Variants in ANKLE2 observed in about 807,000 individuals in gnomAD.
ANKLE2 encodes the protein ankyrin repeat and LEM domain-containing protein 2.
ANKLE2 carries 55 observed loss-of-function variants against 84.2 expected under a neutral mutation model. The ratio of observed to expected loss-of-function variants is 0.65; its 90% CI spans 0.53 to 0.82. The LOEUF is 0.82. Ranked by LOEUF, ANKLE2 falls within the 40% of genes least tolerant of loss-of-function variation. The probability of loss-of-function intolerance (pLI) is 0.00; values close to 1 mark genes in which losing one functional copy is unlikely to be tolerated. For synonymous variants in ANKLE2, 551 were observed against 486.1 expected (o/e 1.13, Z -1.76); for missense variants, 1,238 against 1,201.9 (o/e 1.03, Z -0.44).
intron 8 of ANKLE2, 35 bp from the exon 9 acceptor site, chr12:132,735,547 G>C (rs1168651248): frequency 1.3e-6 from 2 of 1,565,374 alleles, no homozygotes; most frequent in Non-Finnish European, 1.7e-6. Flanking sequence ...AGCCGTGTCA[G>C]GCACTGCGCC....
chr12:132,734,337 C>G lies in ANKLE2; in HGVS notation c.1891+48G>C, dbSNP rs760808170. On this transcript the variant is annotated intron_variant, in intron 10 of 12. Coordinates refer to ENST00000357997, the MANE Select transcript of ANKLE2 (RefSeq NM_015114.3). ...TGTGCGCATCCCGTCAGACCCCGGC[C>G]ATGGGGGGCCCCTCCCAGCTGCCAC... 3.1e-6 allele frequency: 5 copies of G among 1,597,920 alleles called. No individual in the cohort carries two copies. The Admixed American group carries it at 9.0e-5, about 29-fold the overall frequency.
At chr12:132,761,054 A>C (rs966601892) in intron 1 of ANKLE2, 2 of 152,220 alleles carry the variant, frequency 1.3e-5, no homozygotes, top group African/African-American at 4.8e-5. Flanking sequence ...AGTTACCTCA[A>C]ACTTAAAACG....
chr12:132,742,623 T>C (rs2044148201), intron 6 of ANKLE2: 1 of 152,290 alleles, frequency 6.6e-6, no homozygotes. Flanking sequence ...AGTATGTATG[T>C]GTGAGAAGCT....
At chr12:132,750,511 C>T in intron 3 of ANKLE2, 132 bp downstream of exon 3, 1 of 884,680 alleles carries the variant, frequency 1.1e-6, no homozygotes, top group South Asian at 1.8e-5. Context: ...GCATGGCCTC[C>T]TGGTCCACTG....
rs1380758795 is a variant in ANKLE2, at chr12:132,750,878, CAG to C, written c.641-31_641-30del. 7 of 1,602,996 alleles carry C rather than the reference CAG, an allele frequency of 4.4e-6. No individual in the cohort carries two copies. The Admixed American group carries it at 1.2e-4, about 27-fold the overall frequency. Reference sequence around the variant, plus strand: ...GGTAAGAAAAGTAACAAATGAAAATCAGAGAAGAGTGACTGGAGAGCTGTCAC... The same window carrying C: ...GGTAAGAAAAGTAACAAATGAAAATCAGAAGAGTGACTGGAGAGCTGTCAC... On this transcript the variant is annotated intron_variant, in intron 2 of 12. Coordinates refer to ENST00000357997, the MANE Select transcript of ANKLE2 (RefSeq NM_015114.3).
At chr12:132,730,819 G>A (rs1038109595) in intron 10 of ANKLE2, 1 of 152,478 alleles carries the variant, frequency 6.6e-6, no homozygotes, top group Non-Finnish European at 1.5e-5. Context: ...TATTTCAGAC[G>A]AGGAGGGAAA....
intron 7 of ANKLE2, 25 bp from the exon 8 acceptor site, chr12:132,737,090 T>C (rs1404603640): frequency 1.9e-6 from 3 of 1,571,162 alleles, no homozygotes; most frequent in South Asian, 2.3e-5. Flanking sequence ...AGGCACTGGC[T>C]GCAGGCTTCC....
chr12:132,748,648 C>T (rs191405210), intron 3 of ANKLE2, among the ~76,000 whole-genome samples: 2 of 152,260 alleles, frequency 1.3e-5, no homozygotes, highest in Non-Finnish European at 2.9e-5. Context: ...CAGCCAGACC[C>T]TGCCACAATC....
intron 10 of ANKLE2, chr12:132,731,461 A>C (rs1396537289): frequency 6.6e-6 from 1 of 152,142 alleles, no homozygotes; most frequent in Non-Finnish European, 1.5e-5. Context: ...TTATAAATGA[A>C]GTGTCTTGCG....
At position 132,736,964 on chromosome 12, in the gene ANKLE2, G is replaced by C. The variant is rs375739279; in HGVS notation, c.1522C>G (p.Arg508Gly). The C allele has an allele frequency of 1.3e-5, 21 of 1,613,906 alleles. No homozygotes were observed. In the East Asian group the frequency reaches 2.0e-4, roughly 15 times the overall value. The stretch of plus-strand genomic sequence containing the variant: ...GGGTCTCTGGGGCTGCCTCCATAGC[G>C]GCTGACGTGAGAGGCCTCAGCCGTC... ...DQTAEASHVSRYGGSPRDPVL... is the reference protein window; with the variant it reads ...DQTAEASHVSGYGGSPRDPVL... Residue 508 changes from arginine to glycine, a missense_variant, in exon 8 of 13, where the codon CGC becomes GGC. Coordinates refer to ENST00000357997, the MANE Select transcript of ANKLE2 (RefSeq NM_015114.3).
chr12:132,758,774 G>C (rs1201022481), intron 1 of ANKLE2: 1 of 152,286 alleles, frequency 6.6e-6, no homozygotes, highest in Non-Finnish European at 1.5e-5. Flanking sequence ...ACCTGCCTCG[G>C]CCTCCCAAAG....
rs749173397 is a variant in ANKLE2, at chr12:132,736,955, C to T, written c.1531G>A (p.Gly511Ser). 3 of 1,613,906 alleles carry T rather than the reference C, an allele frequency of 1.9e-6. No individual in the cohort carries two copies. In the East Asian group the frequency reaches 6.7e-5, roughly 36 times the overall value. ...AEASHVSRYG[G>S]SPRDPVLTLR... The stretch of plus-strand genomic sequence containing the variant: ...GTCAGTACCGGGTCTCTGGGGCTGC[C>T]TCCATAGCGGCTGACGTGAGAGGCC... Residue 511 changes from glycine to serine, a missense_variant, in exon 8 of 13, where the codon GGC (glycine) becomes AGC (serine). Coordinates refer to ENST00000357997, the MANE Select transcript of ANKLE2 (RefSeq NM_015114.3).
rs2044620621 is a variant in ANKLE2 at position 132,761,345 on chromosome 12, C to T, written c.181+273G>A. ...GTCTCCGCTAACGCCTCGCCGGGCC[C>T]CCGCCGCCTTCCCCGGAGGCTGCTC... On this transcript the variant is annotated intron_variant, in intron 1 of 12. Transcript: ENST00000357997. The T allele has an allele frequency of 6.0e-5, 18 of 299,316 alleles. No homozygotes were observed. In the East Asian group the frequency reaches 9.8e-4, roughly 16 times the overall value. The allele number at this position is 299,316 out of a possible 1,614,324, so 18.5% of individuals were successfully genotyped here. A position where few individuals can be genotyped will look rare whatever the true frequency, so the allele number is the denominator to read the frequency against.
At chr12:132,759,999 T>C (rs2044590112) in intron 1 of ANKLE2, 1 of 151,986 alleles carries the variant, frequency 6.6e-6, no homozygotes, top group Non-Finnish European at 1.5e-5. Context: ...CCGGGCGTGG[T>C]GGCAGGCGCC....
In ANKLE2 at chr12:132,747,932, G is replaced by A. The variant is rs377650820; in HGVS notation, c.1130C>T (p.Pro377Leu). 2.7e-5 allele frequency: 43 copies of A among 1,600,744 alleles called. No homozygotes were observed. The African/African-American group carries it at 4.6e-4, about 17-fold the overall frequency. Residue 377 changes from proline to leucine, a missense_variant, in exon 5 of 13, where the codon CCT (proline) becomes CTT (leucine). Physicochemically the swap from Pro to Leu is moderately conservative, Grantham distance 98. This residue lies in a region of ANKLE2 where 802 missense variants were observed against 774.5 expected (regional missense o/e 1.04). Coordinates refer to ENST00000357997, the MANE Select transcript of ANKLE2 (RefSeq NM_015114.3). ...AGGGTACATCAGCCTCATGAAGTCA[G>A]GGTTCTCCAGGACGTCCAGAGTCAG... is the stretch of plus-strand genomic sequence containing the variant. ...CQLTLDVLEN[P>L]DFMRLMYPDD...
At chr12:132,740,449 G>A (rs1430228056) in intron 7 of ANKLE2, among the ~76,000 whole-genome samples, 2 of 152,140 alleles carry the variant, frequency 1.3e-5, no homozygotes, top group African/African-American at 4.8e-5. Flanking sequence ...AAATGGTGGT[G>A]ACAGCTTTAT....
At chr12:132,747,308 G>T (rs1240119778) in intron 5 of ANKLE2, among the ~76,000 whole-genome samples, 2 of 149,008 alleles carry the variant, frequency 1.3e-5, no homozygotes, top group Non-Finnish European at 3.0e-5. Flanking sequence ...AGCCCTGCGT[G>T]TCAGGCAGCC....
intron 7 of ANKLE2, chr12:132,737,279 C>CTTAA (rs1349349859): frequency 4.2e-6 from 2 of 470,854 alleles, no homozygotes; most frequent in Non-Finnish European, 7.5e-6. Flanking sequence ...GCTCACTTCA[C>CTTAA]TTAACCAGCC....
intron 5 of ANKLE2, among the ~76,000 whole-genome samples, chr12:132,747,274 CA>C (rs1474560285): frequency 2.0e-5 from 3 of 151,228 alleles, no homozygotes; most frequent in African/African-American, 7.3e-5. Context: ...CCCTGCGTGT[CA>C]GGCAGCATCT....
Sources: allele counts gnomAD v4.1 joint callset (sites outside exome capture counted in the v4.1 genomes callset), GRCh38; gene constraint gnomAD v4.1.1; regional missense constraint gnomAD v4.1.1; transcripts MANE v1.5; gene names NCBI Gene and HGNC (gene_info 2026-07-23, HGNC 2026-07-21).